GLRA3: variants seen among roughly 807,000 people sequenced by gnomAD.
GLRA3 encodes the protein glycine receptor alpha 3, also known as glycine receptor subunit alpha-3.
A neutral mutation model predicts 60.4 loss-of-function variants in GLRA3; 44 were observed. The ratio of observed to expected loss-of-function variants is 0.73; its 90% confidence interval spans 0.57 to 0.94. The LOEUF is 0.94. GLRA3 is among the 40% of genes least tolerant of loss of function. The pLI is 0.00. For synonymous variants in GLRA3, 223 were observed against 192.9 expected (o/e 1.16, Z -1.29); for missense variants, 508 against 564.6 (o/e 0.90, Z 1.02).
rs550302249 is a variant in GLRA3 at position 174,699,490 on chromosome 4, C to G, written c.574+15998G>C. 1.1e-4 allele frequency among the ~76,000 whole-genome samples: 17 copies of G among 152,242 alleles called. No individual in the cohort carries two copies. In the East Asian group the frequency reaches 3.3e-3, roughly 29 times the overall value. ...TGAGCAACTCCACAGTATTCTGTTG[C>G]ACCTTAAAAATATAATTATATAGCA... On this transcript the variant is annotated intron_variant, in intron 5 of 9. Coordinates refer to ENST00000274093, the MANE Select transcript of GLRA3 (RefSeq NM_006529.4).
Position 174,643,948 on chromosome 4 carries a change from T to A in GLRA3, c.1233A>T (p.Pro411=). 1.2e-6 allele frequency: 2 copies of A among 1,614,086 alleles called. No individual in the cohort carries two copies. The highest frequency in any genetic ancestry group is 1.7e-6 in the Non-Finnish European group (2 of 1,179,954). ...KGPNHPVQVM[P]KSPDEMRKVF... ...CCTTCCTCATTTCATCAGGACTTTT[T>A]GGCATTACCTGGACAGGGTGGTTGG... is the stretch of plus-strand genomic sequence containing the variant. The change falls in exon 10 of 10, where the codon CCA becomes CCT. Residue 411 remains proline, a synonymous_variant. Transcript: ENST00000274093.
At chr4:174,792,971 G>A (rs1739415182) in intron 1 of GLRA3, among the ~76,000 whole-genome samples, 2 of 152,114 alleles carry the variant, frequency 1.3e-5, no homozygotes, top group African/African-American at 4.8e-5. Flanking sequence ...GTGGGAAGTT[G>A]AGCAAATTAT....
intron 5 of GLRA3, among the ~76,000 whole-genome samples, chr4:174,693,800 G>T (rs1734950465): frequency 1.3e-5 from 2 of 152,022 alleles, no homozygotes; most frequent in South Asian, 4.2e-4. Context: ...TGGCAAGCTG[G>T]ATTTAAAAAA....
intron 5 of GLRA3, among the ~76,000 whole-genome samples, chr4:174,714,085 T>C (rs1390133129): frequency 6.6e-6 from 1 of 152,188 alleles, no homozygotes; most frequent in African/African-American, 2.4e-5. Flanking sequence ...TAATTGCTCT[T>C]TGTCCTACTT....
chr4:174,727,487 C>T (rs1402257956), intron 4 of GLRA3, among the ~76,000 whole-genome samples: 1 of 152,116 alleles, frequency 6.6e-6, no homozygotes, highest in Non-Finnish European at 1.5e-5. Context: ...AAATATTTGG[C>T]TCTTGCTAGA....
chr4:174,803,353 T>C (rs1484197494), intron 1 of GLRA3, among the ~76,000 whole-genome samples: 2 of 152,164 alleles, frequency 1.3e-5, no homozygotes, highest in East Asian at 3.9e-4. Context: ...CTTAATGACT[T>C]ATTTATTTTA....
intron 3 of GLRA3, among the ~76,000 whole-genome samples, chr4:174,743,392 T>C (rs1017670033): frequency 6.6e-6 from 1 of 152,128 alleles, no homozygotes; most frequent in Non-Finnish European, 1.5e-5. Context: ...CCCATAGTCT[T>C]TTTTTTCTTT....
At chr4:174,725,760 G>C (rs1381647831) in intron 4 of GLRA3, among the ~76,000 whole-genome samples, 1 of 152,104 alleles carries the variant, frequency 6.6e-6, no homozygotes, top group Non-Finnish European at 1.5e-5. Context: ...GAGATTACAG[G>C]GTGTGAGCCA....
chr4:174,682,320 TC>T (rs1182838613), intron 6 of GLRA3, among the ~76,000 whole-genome samples: 3 of 152,200 alleles, frequency 2.0e-5, no homozygotes, highest in Non-Finnish European at 4.4e-5. Flanking sequence ...GATATTTATC[TC>T]AAGTGTCTTA....
chr4:174,725,504 A>T (rs73004547), intron 4 of GLRA3, among the ~76,000 whole-genome samples: 72 of 152,284 alleles, frequency 4.7e-4, no homozygotes, highest in African/African-American at 1.7e-3. Context: ...CTTTTGAGAC[A>T]GGGACTTGCT....
chr4:174,695,323 C>T (rs1010161046), intron 5 of GLRA3, among the ~76,000 whole-genome samples: 2 of 152,000 alleles, frequency 1.3e-5, no homozygotes, highest in Non-Finnish European at 2.9e-5. Context: ...TGAAGAACAT[C>T]GGTGCAAAAA....
intron 2 of GLRA3, among the ~76,000 whole-genome samples, chr4:174,775,319 G>A (rs1738556932): frequency 6.6e-6 from 1 of 152,112 alleles, no homozygotes; most frequent in Admixed American, 6.5e-5. Flanking sequence ...AAAAATGCAT[G>A]TAGAAAATGA....
intron 1 of GLRA3, among the ~76,000 whole-genome samples, chr4:174,814,461 C>T (rs531692120): frequency 6.6e-6 from 1 of 152,144 alleles, no homozygotes; most frequent in South Asian, 2.1e-4. Context: ...TCTCCTCTCT[C>T]TTTTTCTGCC....
At chr4:174,684,568 A>G (rs142673475) in intron 5 of GLRA3, among the ~76,000 whole-genome samples, 1 of 152,346 alleles carries the variant, frequency 6.6e-6, no homozygotes, top group East Asian at 1.9e-4. Context: ...ATGTTTAAAG[A>G]CTACTGCACA....
At chr4:174,673,762 GT>G (rs2110942149) in intron 7 of GLRA3, among the ~76,000 whole-genome samples, 2 of 152,200 alleles carry the variant, frequency 1.3e-5, no homozygotes, top group East Asian at 3.9e-4. Context: ...GAAGTTCTTA[GT>G]TTTTGACAAT....
intron 5 of GLRA3, among the ~76,000 whole-genome samples, chr4:174,697,147 A>G (rs1311221181): frequency 6.6e-6 from 1 of 152,218 alleles, no homozygotes; most frequent in African/African-American, 2.4e-5. Flanking sequence ...ACTTATTCAA[A>G]GGGAGAATGT....
At chr4:174,749,143 C>T (rs1320528960) in intron 3 of GLRA3, among the ~76,000 whole-genome samples, 3 of 152,018 alleles carry the variant, frequency 2.0e-5, no homozygotes, top group Admixed American at 6.6e-5. Flanking sequence ...TTTCTCGATT[C>T]GTAGATTTCA....
chr4:174,706,986 A>G (rs776647416), intron 5 of GLRA3, among the ~76,000 whole-genome samples: 50 of 152,216 alleles, frequency 3.3e-4, no homozygotes, highest in Non-Finnish European at 1.3e-4. Context: ...CATTGATATC[A>G]TATTATAATC....
intron 9 of GLRA3, among the ~76,000 whole-genome samples, chr4:174,655,046 G>GT (rs1733149589): frequency 6.6e-6 from 1 of 152,162 alleles, no homozygotes; most frequent in African/African-American, 2.4e-5. Context: ...TTGCATTAAT[G>GT]TAAGGTCCCC....
Sources: allele counts gnomAD v4.1 joint callset (sites outside exome capture counted in the v4.1 genomes callset), GRCh38; gene constraint gnomAD v4.1.1; transcripts MANE v1.5; gene names NCBI Gene and HGNC (gene_info 2026-07-23, HGNC 2026-07-21).